Variants in AFF2 observed in about 807,000 individuals in gnomAD.
The protein encoded by AFF2 is AF4/FMR2 family member 2.
In AFF2, 14 loss-of-function variants were observed where a neutral mutation model predicts 76.9. The observed-to-expected ratio is 0.18, with a 90% CI of 0.12 to 0.28. The LOEUF (loss-of-function observed/expected upper bound fraction) is 0.28. Among genes scored for constraint, AFF2 ranks in the 10% least tolerant of loss-of-function variants. AFF2 has a pLI of 1.00. For missense variants in AFF2, 868 were observed against 1,001.1 expected, an observed-to-expected ratio of 0.87 and a Z score of 1.79; for synonymous variants, 398 against 366.7, an observed-to-expected ratio of 1.09 and a Z score of -0.98.
chrX:148,982,587 G>A (rs1265306269), intron 19 of AFF2, among the ~76,000 whole-genome samples: 3 of 112,173 alleles, frequency 2.7e-5, no homozygotes, highest in African/African-American at 9.7e-5. Context: ...CCTTCCAGGA[G>A]CAGCACCCTC....
intron 3 of AFF2, among the ~76,000 whole-genome samples, chrX:148,717,884 G>T (rs896841920): frequency 5.4e-5 from 6 of 111,574 alleles, no homozygotes; most frequent in African/African-American, 2.0e-4. Flanking sequence ...CAAAGTTGCA[G>T]TGATGATGGT....
At chrX:148,844,381 A>G (rs1166609252) in intron 7 of AFF2, among the ~76,000 whole-genome samples, 1 of 111,936 alleles carries the variant, frequency 8.9e-6, no homozygotes, top group Non-Finnish European at 1.9e-5. Context: ...CCTGCAATTC[A>G]TTCAGCACTG....
chrX:148,653,255 C>G (rs1557256621), intron 2 of AFF2, among the ~76,000 whole-genome samples: 12 of 111,951 alleles, frequency 1.1e-4, no homozygotes. Flanking sequence ...GTTCCCATAT[C>G]AACAGGTTAA....
chrX:148,549,604 G>A (rs782597603), intron 1 of AFF2, among the ~76,000 whole-genome samples: 43 of 111,605 alleles, frequency 3.9e-4, no homozygotes, highest in Non-Finnish European at 6.8e-4. Context: ...CCGTTTTAGA[G>A]CCTAGGCCTA....
At chrX:148,749,616 G>A (rs1049186347) in intron 3 of AFF2, among the ~76,000 whole-genome samples, 3 of 111,314 alleles carry the variant, frequency 2.7e-5, no homozygotes, top group Non-Finnish European at 5.6e-5. Context: ...GTCCTGTAGC[G>A]CCTGAGGAAT....
Position 148,987,505 on chromosome X carries a change from A to G in AFF2, c.3762A>G (p.Leu1254=). ...ACGTCAACATCACTAGCAATGTGTT[A>G]CGGGGCTATGAACACTGGGATATGG... The part of the protein sequence containing the change: ...ASHVNITSNV[L]RGYEHWDMAD... The change falls in exon 20 of 21, where the codon TTA becomes TTG. Residue 1254 remains leucine, a synonymous_variant. Transcript: ENST00000370460. The G allele has an allele frequency of 8.3e-7, 1 of 1,211,813 alleles. No homozygotes were observed. The highest frequency in any genetic ancestry group is 2.2e-5 in the Admixed American group (1 of 46,090).
At chrX:148,784,801 A>G (rs1459642140) in intron 3 of AFF2, among the ~76,000 whole-genome samples, 3 of 111,400 alleles carry the variant, frequency 2.7e-5, no homozygotes, top group Non-Finnish European at 5.7e-5. Flanking sequence ...AATTGTGTTA[A>G]TTGTTAATGC....
intron 3 of AFF2, among the ~76,000 whole-genome samples, chrX:148,736,374 T>C (rs2055284971): frequency 8.9e-6 from 1 of 112,219 alleles, no homozygotes; most frequent in Non-Finnish European, 1.9e-5. Context: ...ACTAGTGATG[T>C]TGAGCATTTT....
intron 3 of AFF2, among the ~76,000 whole-genome samples, chrX:148,718,158 A>C: frequency 9.0e-6 from 1 of 111,295 alleles, no homozygotes; most frequent in Non-Finnish European, 1.9e-5. Context: ...TATTTCAGTG[A>C]ATCTCTATGT....
chrX:148,666,356 A>G (rs1557258445), intron 3 of AFF2, among the ~76,000 whole-genome samples: 2 of 110,977 alleles, frequency 1.8e-5, no homozygotes, highest in Admixed American at 9.6e-5. Context: ...GGAGGTTGAG[A>G]TGGGCGGATC....
At chrX:148,800,698 A>G (rs782562928) in intron 3 of AFF2, among the ~76,000 whole-genome samples, 18 of 111,526 alleles carry the variant, frequency 1.6e-4, no homozygotes, top group Admixed American at 3.8e-4. Flanking sequence ...ACCAGAAAAA[A>G]CTGAACTCCC....
At chrX:148,759,349 A>G (rs367675851) in intron 3 of AFF2, among the ~76,000 whole-genome samples, 11 of 112,450 alleles carry the variant, frequency 9.8e-5, no homozygotes, top group African/African-American at 3.5e-4. Context: ...AGGTTTTTGT[A>G]CTAGACTTAA....
intron 7 of AFF2, among the ~76,000 whole-genome samples, chrX:148,878,465 A>G (rs782149067): frequency 9.0e-6 from 1 of 111,625 alleles, no homozygotes; most frequent in East Asian, 2.8e-4. Flanking sequence ...TCCTTCTTTC[A>G]GTCAATCTAT....
rs1387737273 is a variant in AFF2 at position 148,645,555 on chromosome X, A to C, written c.48-6444A>C. 4.5e-5 allele frequency among the ~76,000 whole-genome samples: 5 copies of C among 111,947 alleles called. No individual in the cohort carries two copies. The Admixed American group carries it at 4.8e-4, about 11-fold the overall frequency. ...TTGACTGGCATCAGGTTAGGTTTCT[A>C]GTAGGTTTTTACCACTCCTAAGTGT... On this transcript the variant is annotated intron_variant, in intron 1 of 20. Coordinates refer to ENST00000370460, the MANE Select transcript of AFF2 (RefSeq NM_002025.4).
At position 148,536,210 on chromosome X, in the gene AFF2, C is replaced by CA. The variant is rs781936872; in HGVS notation, c.47+35080dup. Reference sequence around the variant, plus strand: ...TGGTGACAAGAGCAAGACTCTGTCTCAAAAAAAAAAAAAAGAATTCGACCA... The same window carrying CA: ...TGGTGACAAGAGCAAGACTCTGTCTCAAAAAAAAAAAAAAAGAATTCGACCA... On this transcript the variant is annotated intron_variant, in intron 1 of 20. Coordinates refer to ENST00000370460, the MANE Select transcript of AFF2 (RefSeq NM_002025.4). Among the ~76,000 whole-genome samples, 350 of 88,513 alleles carry CA rather than the reference C, an allele frequency of 4.0e-3. 1 individual carries two copies. The highest frequency in any genetic ancestry group is 4.8e-3 in the Non-Finnish European group (212 of 44,098). 76.9% of individuals were successfully genotyped at this position (88,513 alleles called of 115,157 possible).
chrX:148,653,954 G>A (rs2054227572), intron 2 of AFF2, among the ~76,000 whole-genome samples: 1 of 111,383 alleles, frequency 9.0e-6, no homozygotes, highest in African/African-American at 3.3e-5. Context: ...TGGATATATG[G>A]GTCTGAAACT....
intron 3 of AFF2, among the ~76,000 whole-genome samples, chrX:148,704,226 ATG>A (rs1488025276): frequency 3.0e-5 from 3 of 98,720 alleles, no homozygotes; most frequent in Non-Finnish European, 6.0e-5. Context: ...CTATATATAT[ATG>A]TGTGTATATA....
At chrX:148,562,638 C>A (rs1341803038) in intron 1 of AFF2, among the ~76,000 whole-genome samples, 1 of 112,287 alleles carries the variant, frequency 8.9e-6, no homozygotes, top group Non-Finnish European at 1.9e-5. Flanking sequence ...CTATTCCAAA[C>A]AAAACCCCAA....
At chrX:148,778,994 C>T (rs987702444) in intron 3 of AFF2, among the ~76,000 whole-genome samples, 12 of 111,328 alleles carry the variant, frequency 1.1e-4, no homozygotes, top group South Asian at 3.8e-4. Flanking sequence ...CTATAAATTT[C>T]CCTCTAAACA....
Sources: allele counts gnomAD v4.1 joint callset (sites outside exome capture counted in the v4.1 genomes callset), GRCh38; gene constraint gnomAD v4.1.1; transcripts MANE v1.5; gene names NCBI Gene and HGNC (gene_info 2026-07-23, HGNC 2026-07-21).